Variants in C12orf50 observed in about 807,000 individuals in gnomAD.
The protein encoded by C12orf50 is zinc finger CCCH-type containing 11D, also known as uncharacterized protein C12orf50.
Under a neutral mutation model 61.6 loss-of-function variants are expected in C12orf50, and 35 were observed. That is an observed-to-expected ratio of 0.57 (90% confidence interval 0.43 to 0.75). The LOEUF is 0.75. Among genes scored for constraint, C12orf50 ranks in the 30% least tolerant of loss-of-function variants. The pLI is 0.00. For synonymous variants in C12orf50, 178 were observed against 161.5 expected, an observed-to-expected ratio of 1.10 and a Z score of -0.77; for missense variants, 475 against 488.5, an observed-to-expected ratio of 0.97 and a Z score of 0.26.
chr12:88,000,582 T>G (rs766619243), intron 3 of C12orf50, among the ~76,000 whole-genome samples: 2 of 151,936 alleles, frequency 1.3e-5, no homozygotes, highest in Non-Finnish European at 2.9e-5. Context: ...TGCAAATAGG[T>G]CCATTGGGAT....
intron 3 of C12orf50, among the ~76,000 whole-genome samples, chr12:88,002,698 A>G (rs1380587110): frequency 6.6e-6 from 1 of 151,690 alleles, no homozygotes; most frequent in African/African-American, 2.4e-5. Flanking sequence ...CACATTTAAT[A>G]TAATTATTGA....
intron 11 of C12orf50, chr12:87,984,254 A>G (rs1227430294): frequency 6.6e-6 from 1 of 152,050 alleles, no homozygotes; most frequent in Non-Finnish European, 1.5e-5. Context: ...TGTTTCTTGT[A>G]AATTTGTTGG....
intron 3 of C12orf50, among the ~76,000 whole-genome samples, chr12:88,004,387 T>G (rs1565751302): frequency 2.6e-5 from 4 of 152,016 alleles, no homozygotes; most frequent in African/African-American, 9.7e-5. Context: ...ATTAAAAAGC[T>G]AAAAAAATAG....
intron 1 of C12orf50, chr12:88,027,741 T>C (rs781156226): frequency 6.6e-6 from 1 of 152,220 alleles, no homozygotes; most frequent in East Asian, 1.9e-4. Flanking sequence ...AAAAATTCTA[T>C]GTTCTTTTAA....
chr12:88,002,183 G>A (rs995502070), intron 3 of C12orf50, among the ~76,000 whole-genome samples: 1 of 151,648 alleles, frequency 6.6e-6, no homozygotes, highest in Non-Finnish European at 1.5e-5. Flanking sequence ...GTTTTGGTAT[G>A]CTATGTTTTA....
chr12:88,027,793 G>A (rs1272105404), intron 1 of C12orf50: 1 of 152,130 alleles, frequency 6.6e-6, no homozygotes, highest in Admixed American at 6.6e-5. Context: ...CCCCTGTTGT[G>A]TGGGAAGAGA....
intron 4 of C12orf50, 31 bp from the exon 5 acceptor site, chr12:87,996,677 G>A: frequency 6.6e-7 from 1 of 1,504,350 alleles, no homozygotes; most frequent in Non-Finnish European, 9.1e-7. Context: ...AAATTAAATT[G>A]TCCCAAAGCC....
chr12:87,998,939 A>C lies in C12orf50; in HGVS notation c.134-749T>G, dbSNP rs191372938. Reference sequence around the variant, plus strand: ...AGTAATTAAGTTGCACAACTTCATCACATTAGAAACAAAAATTCATGCAAA... The same window carrying C: ...AGTAATTAAGTTGCACAACTTCATCCCATTAGAAACAAAAATTCATGCAAA... On this transcript the variant is annotated intron_variant, in intron 3 of 12. Transcript: ENST00000298699. Among the ~76,000 whole-genome samples, 336 of 152,392 alleles carry C rather than the reference A, an allele frequency of 2.2e-3. 3 individuals carry two copies. Among genetic ancestry groups the C allele is most frequent in the Non-Finnish European group, 2.5e-3 (170 of 68,040 alleles).
intron 3 of C12orf50, among the ~76,000 whole-genome samples, chr12:87,999,300 C>T (rs2031553155): frequency 2.0e-5 from 3 of 152,144 alleles, no homozygotes; most frequent in Admixed American, 2.0e-4. Context: ...TGGCGCACAC[C>T]TGTAGTCCCA....
chr12:87,983,255 G>A lies in C12orf50; in HGVS notation c.1127-60C>T, dbSNP rs1455326959. The A allele has an allele frequency of 7.7e-5, 88 of 1,142,510 alleles. 1 individual carries two copies. The highest frequency in any genetic ancestry group is 1.1e-4 in the Non-Finnish European group (85 of 799,354). 70.8% of individuals were successfully genotyped at this position (1,142,510 alleles called of 1,614,324 possible). A position where few individuals can be genotyped will look rare whatever the true frequency, so the allele number is the denominator to read the frequency against. On this transcript the variant is annotated intron_variant, in intron 11 of 12. Transcript: ENST00000298699. Reference sequence around the variant, plus strand: ...AACTTTAAAATCATATTCCAAGGGTGTTTCAAAGTTATAAACATCTCAGGG... The same window carrying A: ...AACTTTAAAATCATATTCCAAGGGTATTTCAAAGTTATAAACATCTCAGGG...
chr12:88,010,185 C>T (rs888586156), intron 3 of C12orf50, among the ~76,000 whole-genome samples: 1 of 151,946 alleles, frequency 6.6e-6, no homozygotes, highest in Non-Finnish European at 1.5e-5. Context: ...ATTTGTTTAT[C>T]CTGTGGCCAG....
At chr12:88,017,721 G>T (rs2032364262) in intron 3 of C12orf50, among the ~76,000 whole-genome samples, 1 of 152,208 alleles carries the variant, frequency 6.6e-6, no homozygotes, top group Non-Finnish European at 1.5e-5. Flanking sequence ...AATCCAGGCT[G>T]AGGTATTCTC....
intron 3 of C12orf50, among the ~76,000 whole-genome samples, chr12:88,021,568 C>T (rs2032518120): frequency 1.3e-5 from 2 of 151,840 alleles, no homozygotes; most frequent in Admixed American, 1.3e-4. Context: ...AACCCTGGAA[C>T]CAGAGGTTGC....
intron 3 of C12orf50, among the ~76,000 whole-genome samples, chr12:88,011,534 G>A (rs2032109964): frequency 6.6e-6 from 1 of 152,136 alleles, no homozygotes; most frequent in Admixed American, 6.6e-5. Flanking sequence ...TCTGTTAAAT[G>A]TCTAAAACCC....
chr12:88,001,779 T>C (rs1233409653), intron 3 of C12orf50, among the ~76,000 whole-genome samples: 3 of 151,624 alleles, frequency 2.0e-5, no homozygotes, highest in African/African-American at 4.8e-5. Context: ...TGTTGAAATA[T>C]AGTTGTCCAC....
At chr12:88,001,802 T>A (rs986023125) in intron 3 of C12orf50, among the ~76,000 whole-genome samples, 1 of 151,636 alleles carries the variant, frequency 6.6e-6, no homozygotes, top group Non-Finnish European at 1.5e-5. Context: ...TATTCCCTTT[T>A]AATTCTTTTT....
At chr12:87,987,708 T>C (rs1022671309) in intron 9 of C12orf50, 142 bp downstream of exon 9, 6 of 613,208 alleles carry the variant, frequency 9.8e-6, no homozygotes, top group Non-Finnish European at 1.7e-5. Context: ...TAGTAGAGGA[T>C]ATTGTGTCTT....
chr12:87,987,831 G>T lies in C12orf50; in HGVS notation c.817+19C>A. The T allele has an allele frequency of 6.8e-7, 1 of 1,477,298 alleles. No individual in the cohort carries two copies. The highest frequency in any genetic ancestry group is 9.4e-7 in the Non-Finnish European group (1 of 1,061,542). 91.5% of individuals were successfully genotyped at this position (1,477,298 alleles called of 1,614,324 possible). ...ACAAATATATCTGAGGCCAAAAAGTGATAGAGCTAATGTCTCACTTGAAGA... is the reference window on the plus strand; with the variant it reads ...ACAAATATATCTGAGGCCAAAAAGTTATAGAGCTAATGTCTCACTTGAAGA... On this transcript the variant is annotated intron_variant, in intron 9 of 12. Transcript: ENST00000298699.
chr12:87,999,607 G>T (rs1052298446), intron 3 of C12orf50, among the ~76,000 whole-genome samples: 1 of 152,024 alleles, frequency 6.6e-6, no homozygotes, highest in African/African-American at 2.4e-5. Flanking sequence ...AAACAATTAG[G>T]CAGTTCCTCA....
Sources: allele counts gnomAD v4.1 joint callset (sites outside exome capture counted in the v4.1 genomes callset), GRCh38; gene constraint gnomAD v4.1.1; transcripts MANE v1.5; gene names NCBI Gene and HGNC (gene_info 2026-07-23, HGNC 2026-07-21).